The following CSMD1 variants were observed in gnomAD, a reference collection of about 807,000 sequenced individuals.
CSMD1 encodes the protein CUB and Sushi multiple domains 1, also known as CUB and sushi domain-containing protein 1.
CSMD1 carries 213 observed loss-of-function variants against 417.5 expected under a neutral mutation model. The ratio of observed to expected loss-of-function variants is 0.51; its 90% CI spans 0.46 to 0.57. The LOEUF is 0.57. Ranked by LOEUF, CSMD1 falls within the 20% of genes least tolerant of loss-of-function variation. The probability of loss-of-function intolerance (pLI) is 0.00; values close to 1 mark genes in which losing one functional copy is unlikely to be tolerated. For synonymous variants in CSMD1, 2,862 were observed against 1,736.8 expected, an observed-to-expected ratio of 1.65 and a Z score of -16.11; for missense variants, 6,923 against 4,529.7, an observed-to-expected ratio of 1.53 and a Z score of -15.17.
At chr8:4,787,373 T>C in intron 1 of CSMD1, 1 of 731,406 alleles carries the variant, frequency 1.4e-6, no homozygotes, top group Non-Finnish European at 2.5e-6. Context: ...AAAAATTGTA[T>C]GAGGGTAAAA....
At chr8:3,383,766 T>G (rs1810790554) in intron 18 of CSMD1, among the ~76,000 whole-genome samples, 1 of 151,888 alleles carries the variant, frequency 6.6e-6, no homozygotes, top group African/African-American at 2.4e-5. Context: ...AAGAGATGCT[T>G]TATAAGAGAT....
At chr8:3,662,567 C>T (rs894739438) in intron 7 of CSMD1, among the ~76,000 whole-genome samples, 9 of 152,132 alleles carry the variant, frequency 5.9e-5, no homozygotes, top group Admixed American at 1.3e-4. Flanking sequence ...GTAATGGGAT[C>T]GCTAGGTCAA....
intron 49 of CSMD1, among the ~76,000 whole-genome samples, chr8:3,074,910 A>G (rs1813543349): frequency 6.6e-6 from 1 of 152,178 alleles, no homozygotes; most frequent in Admixed American, 6.5e-5. Flanking sequence ...CTCATGTTTA[A>G]TTGTAATTCT....
intron 42 of CSMD1, among the ~76,000 whole-genome samples, chr8:3,115,978 T>C (rs1212663971): frequency 1.3e-5 from 2 of 152,196 alleles, no homozygotes; most frequent in Non-Finnish European, 2.9e-5. Context: ...ATAAAATACA[T>C]GTTACATGAA....
intron 3 of CSMD1, among the ~76,000 whole-genome samples, chr8:4,252,511 G>T (rs969758397): frequency 2.0e-5 from 3 of 152,188 alleles, no homozygotes; most frequent in Admixed American, 2.0e-4. Flanking sequence ...GGCATGTCCT[G>T]TTTCCTCAAA....
intron 16 of CSMD1, among the ~76,000 whole-genome samples, chr8:3,397,185 T>C (rs1048485923): frequency 2.6e-5 from 4 of 152,100 alleles, no homozygotes; most frequent in African/African-American, 7.2e-5. Context: ...GGTTTCTGAG[T>C]GCCTGACTTG....
At chr8:2,983,378 G>T (rs1805591272) in intron 54 of CSMD1, among the ~76,000 whole-genome samples, 1 of 152,060 alleles carries the variant, frequency 6.6e-6, no homozygotes. Context: ...AGTAGAGACA[G>T]AGTTTCACTG....
chr8:3,055,156 T>C (rs1480540777), intron 49 of CSMD1, among the ~76,000 whole-genome samples: 1 of 152,130 alleles, frequency 6.6e-6, no homozygotes, highest in African/African-American at 2.4e-5. Context: ...AAGATGACAT[T>C]CTACAAACAC....
At chr8:3,816,704 A>G (rs563660505) in intron 5 of CSMD1, among the ~76,000 whole-genome samples, 3 of 152,320 alleles carry the variant, frequency 2.0e-5, no homozygotes, top group African/African-American at 7.2e-5. Flanking sequence ...TTTTACCTTT[A>G]CAAATCATGG....
At chr8:3,307,023 A>ACTTTGGTATAATTG (rs1419535097) in intron 25 of CSMD1, among the ~76,000 whole-genome samples, 1 of 124,428 alleles carries the variant, frequency 8.0e-6, no homozygotes, top group African/African-American at 2.7e-5. Context: ...CCTCAAAGTT[A>ACTTTGGTATAATTG]CTTTGGTATA....
chr8:3,631,212 T>C (rs1018532777), intron 7 of CSMD1, among the ~76,000 whole-genome samples: 2 of 152,192 alleles, frequency 1.3e-5, no homozygotes, highest in Non-Finnish European at 2.9e-5. Context: ...TTTATGTTGC[T>C]ATGTGGACAG....
chr8:4,932,828 C>G (rs1807333197), intron 1 of CSMD1, among the ~76,000 whole-genome samples: 1 of 152,158 alleles, frequency 6.6e-6, no homozygotes, highest in Non-Finnish European at 1.5e-5. Flanking sequence ...CTCCCTGGTT[C>G]AAATTTTCAA....
intron 3 of CSMD1, among the ~76,000 whole-genome samples, chr8:4,357,140 G>C (rs1563089305): frequency 1.3e-5 from 2 of 152,092 alleles, no homozygotes; most frequent in Non-Finnish European, 2.9e-5. Context: ...AATTCACTTT[G>C]GTATATGATC....
chr8:4,318,981 C>T (rs912092279), intron 3 of CSMD1, among the ~76,000 whole-genome samples: 4 of 152,066 alleles, frequency 2.6e-5, no homozygotes, highest in African/African-American at 9.7e-5. Context: ...AATCTATCAT[C>T]TTCATATTAA....
At chr8:3,715,322 C>G (rs1217831857) in intron 6 of CSMD1, among the ~76,000 whole-genome samples, 4 of 152,100 alleles carry the variant, frequency 2.6e-5, no homozygotes, top group Non-Finnish European at 5.9e-5. Flanking sequence ...GGAGCTATGT[C>G]TCTACTGTGG....
intron 26 of CSMD1, among the ~76,000 whole-genome samples, chr8:3,247,819 C>A (rs530320363): frequency 6.6e-6 from 1 of 152,202 alleles, no homozygotes; most frequent in Admixed American, 6.5e-5. Context: ...AATGAAACCT[C>A]CAATCTACTG....
chr8:3,824,063 T>G (rs1056053374), intron 5 of CSMD1, among the ~76,000 whole-genome samples: 1 of 152,152 alleles, frequency 6.6e-6, no homozygotes, highest in Non-Finnish European at 1.5e-5. Context: ...TTCTTCATCC[T>G]GGTGATTTGT....
chr8:3,559,310 T>C (rs998483939), intron 10 of CSMD1, among the ~76,000 whole-genome samples: 19 of 152,214 alleles, frequency 1.2e-4, no homozygotes, highest in Admixed American at 7.2e-4. Flanking sequence ...CATGGAATGA[T>C]TGTTTGTGAT....
At chr8:4,607,035 T>A (rs1800912379) in intron 2 of CSMD1, among the ~76,000 whole-genome samples, 1 of 152,170 alleles carries the variant, frequency 6.6e-6, no homozygotes, top group African/African-American at 2.4e-5. Flanking sequence ...AGTTTGAAAA[T>A]CGATCATTTG....
Sources: gnomAD v4.1 joint callset for allele counts (sites outside exome capture counted in the v4.1 genomes callset) on GRCh38, gnomAD v4.1.1 for gene constraint, MANE v1.5 for transcripts, NCBI Gene and HGNC (gene_info 2026-07-23, HGNC 2026-07-21) for gene names.